The following SOX5 variants were observed in gnomAD, a reference collection of about 807,000 sequenced individuals.
The protein encoded by SOX5 is transcription factor SOX-5.
In SOX5, 9 loss-of-function variants were observed where a neutral mutation model predicts 92.0. The observed-to-expected ratio is 0.10, with a 90% CI of 0.06 to 0.17. The LOEUF is 0.17. SOX5 is among the 10% of genes least tolerant of loss of function. SOX5 has a pLI of 1.00. For synonymous variants in SOX5, 344 were observed against 336.3 expected, an observed-to-expected ratio of 1.02 and a Z score of -0.25; for missense variants, 642 against 944.5, an observed-to-expected ratio of 0.68 and a Z score of 4.20.
At chr12:24,349,580 G>C (rs974926133) in intron 2 of SOX5, among the ~76,000 whole-genome samples, 5 of 152,076 alleles carry the variant, frequency 3.3e-5, no homozygotes, top group Admixed American at 1.3e-4. Flanking sequence ...ATTTCCTCAA[G>C]GCTTATTCAT....
chr12:23,727,515 T>C (rs1260114433), intron 6 of SOX5, among the ~76,000 whole-genome samples: 2 of 152,074 alleles, frequency 1.3e-5, no homozygotes, highest in African/African-American at 2.4e-5. Flanking sequence ...GAAGAGGAGA[T>C]ACACCATCCT....
At chr12:24,506,784 CTTT>C (rs386375924) in intron 1 of SOX5, among the ~76,000 whole-genome samples, 3,992 of 81,552 alleles carry the variant, frequency 0.049, 50 homozygotes, top group South Asian at 0.07. Context: ...TCCAAATGGT[CTTT>C]TTTTTTTTTT....
In SOX5 at chr12:23,970,841, A is replaced by ATATATATATAAAATT; in HGVS notation, c.-1-74818_-1-74817insAATTTTATATATATA. ...ACATGGGACTTTATATATATATATAATTTTTTTTTTTTTTTAAGAAATGGG... is the reference window on the plus strand; with the variant it reads ...ACATGGGACTTTATATATATATATAATATATATATAAAATTTTTTTTTTTTTTTTTAAGAAATGGG... On this transcript the variant is annotated intron_variant, in intron 4 of 4. Coordinates refer to the SOX5 transcript ENST00000446891. 5.0e-4 allele frequency among the ~76,000 whole-genome samples: 11 copies of ATATATATATAAAATT among 21,882 alleles called. 3 individuals are homozygous for ATATATATATAAAATT. Among genetic ancestry groups the ATATATATATAAAATT allele is most frequent in the South Asian group, 2.2e-3 (1 of 454 alleles). 14.4% of individuals were successfully genotyped at this position (21,882 alleles called of 152,430 possible).
intron 1 of SOX5, among the ~76,000 whole-genome samples, chr12:23,948,624 C>T (rs575552933): frequency 6.6e-6 from 1 of 150,772 alleles, no homozygotes; most frequent in East Asian, 1.9e-4. Flanking sequence ...ATTCACCATA[C>T]AGAATACAAA....
At chr12:23,901,379 T>C (rs983333907) in intron 1 of SOX5, among the ~76,000 whole-genome samples, 6 of 152,130 alleles carry the variant, frequency 3.9e-5, no homozygotes, top group African/African-American at 1.4e-4. Flanking sequence ...ACATTTGTAT[T>C]TTTTAAGCCA....
intron 2 of SOX5, 29 bp downstream of exon 2, chr12:23,895,764 G>A: frequency 6.7e-7 from 1 of 1,498,634 alleles, no homozygotes; most frequent in Non-Finnish European, 9.3e-7. Flanking sequence ...AAAAGTGAGT[G>A]TAGGCACAAT....
At chr12:23,819,764 T>G (rs1005758690) in intron 3 of SOX5, among the ~76,000 whole-genome samples, 1 of 152,192 alleles carries the variant, frequency 6.6e-6, no homozygotes, top group African/African-American at 2.4e-5. Flanking sequence ...AACTCATTTT[T>G]CTTTTTTACG....
chr12:23,750,291 A>C (rs935183628), intron 4 of SOX5, among the ~76,000 whole-genome samples: 6 of 151,938 alleles, frequency 3.9e-5, no homozygotes, highest in Non-Finnish European at 8.8e-5. Context: ...TTTTGTAAGA[A>C]AGATGTTTAC....
intron 1 of SOX5, among the ~76,000 whole-genome samples, chr12:24,479,761 G>T (rs1051609947): frequency 6.6e-6 from 1 of 152,034 alleles, no homozygotes; most frequent in Non-Finnish European, 1.5e-5. Context: ...TGCCTCCCAG[G>T]TTCAAGCAAT....
chr12:24,376,679 G>T (rs1957291574), intron 1 of SOX5, among the ~76,000 whole-genome samples: 1 of 132,594 alleles, frequency 7.5e-6, no homozygotes, highest in African/African-American at 2.8e-5. Flanking sequence ...ATGATGCTAT[G>T]GGAGAGATAC....
chr12:24,319,335 C>A (rs1595534487), intron 2 of SOX5, among the ~76,000 whole-genome samples: 1 of 152,192 alleles, frequency 6.6e-6, no homozygotes, highest in South Asian at 2.1e-4. Context: ...CACTATCAAC[C>A]CCCATCAGTG....
At chr12:23,969,486 G>A (rs981529406) in intron 4 of SOX5, among the ~76,000 whole-genome samples, 1 of 152,124 alleles carries the variant, frequency 6.6e-6, no homozygotes, top group Non-Finnish European at 1.5e-5. Context: ...TTGCTACCAC[G>A]TGGCAGTTAC....
At chr12:24,453,215 A>G (rs1463056516) in intron 1 of SOX5, among the ~76,000 whole-genome samples, 2 of 152,206 alleles carry the variant, frequency 1.3e-5, no homozygotes, top group Non-Finnish European at 2.9e-5. Flanking sequence ...TTAGATAACC[A>G]TAAATGCCTG....
chr12:24,247,144 T>G (rs1938966253), intron 3 of SOX5, among the ~76,000 whole-genome samples: 1 of 152,112 alleles, frequency 6.6e-6, no homozygotes, highest in African/African-American at 2.4e-5. Flanking sequence ...TCCGATGCCG[T>G]GCCAAATACT....
At chr12:23,647,823 G>A (rs188261576) in intron 7 of SOX5, among the ~76,000 whole-genome samples, 1 of 152,296 alleles carries the variant, frequency 6.6e-6, no homozygotes, top group East Asian at 1.9e-4. Context: ...GAATGTTGTG[G>A]CTGGTTTGAT....
chr12:24,447,638 C>A (rs1489970809), intron 1 of SOX5, among the ~76,000 whole-genome samples: 1 of 152,078 alleles, frequency 6.6e-6, no homozygotes, highest in Non-Finnish European at 1.5e-5. Flanking sequence ...AATATGTTAA[C>A]AACAATGATA....
chr12:23,779,298 A>G (rs2095206442), intron 3 of SOX5, among the ~76,000 whole-genome samples: 2 of 151,590 alleles, frequency 1.3e-5, no homozygotes, highest in Non-Finnish European at 2.9e-5. Context: ...GATTACACTT[A>G]TTACAAAATC....
chr12:24,430,790 CA>C lies in SOX5; in HGVS notation c.-250-62152del, dbSNP rs145451119. The stretch of plus-strand genomic sequence containing the variant: ...TACATTTTATCTCCTTTGTCAGCCA[CA>C]AGGAGTAACTTTATTATTCCTACCA... On this transcript the variant is annotated intron_variant, in intron 1 of 4. Transcript: ENST00000446891. Among the ~76,000 whole-genome samples the C allele has an allele frequency of 6.5e-3, 982 of 152,236 alleles. 10 individuals are homozygous for C. The highest frequency in any genetic ancestry group is 0.02 in the African/African-American group (839 of 41,538).
intron 3 of SOX5, among the ~76,000 whole-genome samples, chr12:24,270,489 AATCT>A (rs1226273806): frequency 6.6e-6 from 1 of 152,206 alleles, no homozygotes; most frequent in African/African-American, 2.4e-5. Context: ...AAATTAATGA[AATCT>A]ATCAACTATT....
Sources: allele counts gnomAD v4.1 joint callset (sites outside exome capture counted in the v4.1 genomes callset), GRCh38; gene constraint gnomAD v4.1.1; transcripts MANE v1.5; gene names NCBI Gene and HGNC (gene_info 2026-07-23, HGNC 2026-07-21).